The following MYRF variants were observed in gnomAD, a reference collection of about 807,000 sequenced individuals.
The protein encoded by MYRF is myelin regulatory factor, also known as myelin gene regulatory factor.
Under a neutral mutation model 126.3 loss-of-function variants are expected in MYRF, and 16 were observed. The observed-to-expected ratio is 0.13, with a 90% CI of 0.09 to 0.19. MYRF has a LOEUF of 0.19. MYRF is among the 10% of genes least tolerant of loss of function. The pLI, the probability that MYRF is intolerant of heterozygous loss-of-function variation, is 1.00. For missense variants in MYRF, 1,104 were observed against 1,547.0 expected, an observed-to-expected ratio of 0.71 and a Z score of 4.80; for synonymous variants, 608 against 635.3, an observed-to-expected ratio of 0.96 and a Z score of 0.65.
chr11:61,776,881 AG>A lies in MYRF; in HGVS notation c.1590+7del. On this transcript the variant is annotated splice_donor_5th_base_variant and intron_variant, in intron 11 of 26. Coordinates refer to ENST00000278836, the MANE Select transcript of MYRF (RefSeq NM_001127392.3). The surrounding 1 kb of genome is among the most constrained non-coding windows in gnomAD (Gnocchi z 4.3). ...CTCAGAGCGCATCATTGTGCGGGTGAGGGCCACCTCCTCCCAGGGCGTAGAC... is the reference window on the plus strand; with the variant it reads ...CTCAGAGCGCATCATTGTGCGGGTGAGGCCACCTCCTCCCAGGGCGTAGAC... The A allele has an allele frequency of 1.9e-6, 3 of 1,597,872 alleles. No individual in the cohort carries two copies. The highest frequency in any genetic ancestry group is 2.6e-6 in the Non-Finnish European group (3 of 1,173,216).
intron 8 of MYRF, among the ~76,000 whole-genome samples, chr11:61,774,390 G>A (rs1004378445): frequency 4.6e-5 from 7 of 151,882 alleles, no homozygotes; most frequent in Non-Finnish European, 7.4e-5. Flanking sequence ...GTGGTAGTAC[G>A]GGCCTGTAAT....
intron 7 of MYRF, among the ~76,000 whole-genome samples, chr11:61,772,371 C>T (rs2066250538): frequency 6.6e-6 from 1 of 152,216 alleles, no homozygotes; most frequent in Admixed American, 6.5e-5. Context: ...TCCTAGCACC[C>T]CCTCAACACC....
chr11:61,782,888 T>A (rs1479474338), intron 22 of MYRF: 1 of 152,586 alleles, frequency 6.6e-6, no homozygotes, highest in Non-Finnish European at 1.5e-5. Context: ...CAGCAAATGT[T>A]CAGCGGCCCC....
In MYRF at chr11:61,780,695, T is replaced by C; in HGVS notation, c.2406-17T>C. On this transcript the variant is annotated splice_polypyrimidine_tract_variant and intron_variant, in intron 18 of 26. Transcript: ENST00000278836. ...CCCTTTGCCTGTCTCACCCTTTGCC[T>C]TTTTGCTGCCCCTTAGCTCTTTTGC... The C allele has an allele frequency of 6.5e-7, 1 of 1,549,780 alleles. No individual in the cohort carries two copies. The highest frequency in any genetic ancestry group is 8.7e-7 in the Non-Finnish European group (1 of 1,146,858).
intron 4 of MYRF, 86 bp downstream of exon 4, chr11:61,769,407 G>A: frequency 9.9e-7 from 1 of 1,008,238 alleles, no homozygotes; most frequent in Non-Finnish European, 1.5e-6. Flanking sequence ...GGAGGAGGGA[G>A]GGGGCCAGCG....
At chr11:61,754,767 G>C (rs923081115) in intron 1 of MYRF, among the ~76,000 whole-genome samples, 21 of 152,226 alleles carry the variant, frequency 1.4e-4, no homozygotes, top group African/African-American at 4.3e-4. Context: ...CAGGGGAGGG[G>C]TGTGAGGCTG....
chr11:61,784,102 C>T, intron 24 of MYRF, 177 bp downstream of exon 24: 2 of 979,626 alleles, frequency 2.0e-6, no homozygotes, highest in Non-Finnish European at 3.1e-6. Flanking sequence ...GACCTGGCCT[C>T]ATGGGCTGAG....
chr11:61,765,919 G>T, intron 2 of MYRF, 39 bp from the exon 3 acceptor site: 10 of 1,469,564 alleles, frequency 6.8e-6, no homozygotes, highest in East Asian at 2.4e-5. Context: ...GCTGGGGCTG[G>T]GGTCCTGGCT....
intron 2 of MYRF, 118 bp downstream of exon 2, chr11:61,765,830 C>A: frequency 7.1e-7 from 1 of 1,418,188 alleles, no homozygotes; most frequent in Non-Finnish European, 9.5e-7. Context: ...CCTCTGAAAG[C>A]TGCTCCTCGT....
chr11:61,769,179 C>A, intron 3 of MYRF, 81 bp from the exon 4 acceptor site: 1 of 798,254 alleles, frequency 1.3e-6, no homozygotes, highest in Non-Finnish European at 2.1e-6. Flanking sequence ...GCTGTGGGAC[C>A]CTACCACGCA....
At chr11:61,772,743 T>C (rs1294893977) in intron 7 of MYRF, among the ~76,000 whole-genome samples, 1 of 152,228 alleles carries the variant, frequency 6.6e-6, no homozygotes, top group Non-Finnish European at 1.5e-5. Context: ...GCCAGGAAGC[T>C]TGGCAGCTGC....
At chr11:61,766,567 C>T (rs1259245998) in intron 3 of MYRF, 7 of 292,950 alleles carry the variant, frequency 2.4e-5, no homozygotes, top group South Asian at 6.9e-5. Flanking sequence ...TACCCGTGCA[C>T]GCGCGCCAAG....
chr11:61,752,828 G>T, intron 1 of MYRF, 38 bp downstream of exon 1: 3 of 1,479,524 alleles, frequency 2.0e-6, no homozygotes, highest in African/African-American at 2.9e-5. Flanking sequence ...ACCCTCTGGC[G>T]CTGGGAACCC....
Position 61,757,495 on chromosome 11 carries a change from G to A in MYRF, c.46+4705G>A. 1 of 456,560 alleles carries A rather than the reference G, an allele frequency of 2.2e-6. No homozygotes were observed. The highest frequency in any genetic ancestry group is 1.5e-5 in the South Asian group (1 of 64,570). The allele number at this position is 456,560 out of a possible 1,614,324, so 28.3% of individuals were successfully genotyped here. On this transcript the variant is annotated intron_variant, in intron 1 of 26. Transcript: ENST00000278836. The surrounding 1 kb of genome is among the most constrained non-coding windows in gnomAD (Gnocchi z 4.7). ...CAGGTGTTCTGCGCCCTACCTTGAA[G>A]ATTACTGGTCCCCAGGGTAGGTCAG...
Position 61,781,809 on chromosome 11 carries a change from G to A in MYRF, c.3001G>A (p.Ala1001Thr), listed in dbSNP as rs774077902. Residue 1001 changes from alanine (A) to threonine (T), a missense_variant, in exon 22 of 27, where the codon GCC becomes ACC. Around this residue, in one of 10 missense-constraint regions of MYRF, gnomAD observed 323 missense variants for 383.1 expected, o/e 0.84. Transcript: ENST00000278836. Reference protein sequence around the residue: ...SSVGPAEPTWAQGQSASLLAE... With the variant: ...SSVGPAEPTWTQGQSASLLAE... Reference sequence around the variant, plus strand: ...CGTGGGCCCTGCTGAGCCCACCTGGGCCCAGGGCCAGTCAGGTACTTGCTG... The same window carrying A: ...CGTGGGCCCTGCTGAGCCCACCTGGACCCAGGGCCAGTCAGGTACTTGCTG... 5 of 1,568,982 alleles carry A rather than the reference G, an allele frequency of 3.2e-6. No individual in the cohort carries two copies. The highest frequency in any genetic ancestry group is 4.3e-6 in the Non-Finnish European group (5 of 1,161,656).
chr11:61,755,721 T>C (rs1156281066), intron 1 of MYRF: 2 of 664,558 alleles, frequency 3.0e-6, no homozygotes, highest in East Asian at 5.9e-5. Context: ...CATGTTAGAG[T>C]ATGAATGGCC....
At chr11:61,780,635 TG>T in intron 18 of MYRF, 76 bp from the exon 19 acceptor site, 2 of 1,428,762 alleles carry the variant, frequency 1.4e-6, no homozygotes, top group Non-Finnish European at 9.6e-7. Context: ...CCCCAGCTCC[TG>T]GGGCCACCTC....
intron 4 of MYRF, among the ~76,000 whole-genome samples, chr11:61,769,833 C>T (rs2066160617): frequency 6.6e-6 from 1 of 152,168 alleles, no homozygotes; most frequent in Non-Finnish European, 1.5e-5. Flanking sequence ...GGGGGGCTGG[C>T]CCCTGAGAGC....
At position 61,755,385 on chromosome 11, in the gene MYRF, C is replaced by T. The variant is rs376462837; in HGVS notation, c.46+2595C>T. On this transcript the variant is annotated intron_variant, in intron 1 of 26. Coordinates refer to ENST00000278836, the MANE Select transcript of MYRF (RefSeq NM_001127392.3). Reference sequence around the variant, plus strand: ...AGAGAGGCAAGGCAGCCCAGATCGGCGGGCACAGGGCCTGCAGAGAGGGGA... The same window carrying T: ...AGAGAGGCAAGGCAGCCCAGATCGGTGGGCACAGGGCCTGCAGAGAGGGGA... 9.8e-5 allele frequency: 157 copies of T among 1,599,130 alleles called. 2 individuals are homozygous for T. In the South Asian group the frequency reaches 1.4e-3, roughly 14 times the overall value.
Sources: gnomAD v4.1 joint callset for allele counts (sites outside exome capture counted in the v4.1 genomes callset) on GRCh38, gnomAD v4.1.1 for gene constraint, gnomAD v4.1.1 regional missense constraint, Gnocchi (gnomAD v3.1) non-coding constraint, MANE v1.5 for transcripts, NCBI Gene and HGNC (gene_info 2026-07-23, HGNC 2026-07-21) for gene names.